DHX30: variants seen among roughly 807,000 people sequenced by gnomAD.
The protein encoded by DHX30 is DExH-box helicase 30.
DHX30 carries 4 observed loss-of-function variants against 116.9 expected under a neutral mutation model. The observed-to-expected ratio is 0.03, with a 90% CI of 0.02 to 0.08. The LOEUF (loss-of-function observed/expected upper bound fraction) is 0.08. DHX30 is among the 10% of genes least tolerant of loss of function. The pLI, the probability that DHX30 is intolerant of heterozygous loss-of-function variation, is 1.00. For synonymous variants in DHX30, 697 were observed against 651.7 expected (o/e 1.07, Z -1.06); for missense variants, 871 against 1,595.1 (o/e 0.55, Z 7.73).
intron 6 of DHX30, among the ~76,000 whole-genome samples, chr3:47,836,494 TC>T (rs1559710079): frequency 6.6e-6 from 1 of 151,876 alleles, no homozygotes. Context: ...CTTTTTCTCT[TC>T]CCCATCTATG....
chr3:47,837,654 A>G (rs1306903290), intron 6 of DHX30, among the ~76,000 whole-genome samples: 1 of 152,166 alleles, frequency 6.6e-6, no homozygotes, highest in East Asian at 1.9e-4. Context: ...CCAGCTACAC[A>G]GGAAGCTGAG....
At chr3:47,819,317 A>AGT (rs2036196532) in intron 4 of DHX30, 1 of 1,362,392 alleles carries the variant, frequency 7.3e-7, no homozygotes, top group Non-Finnish European at 9.8e-7. Flanking sequence ...GAAGACGGTT[A>AGT]GTCGGGGTTA....
intron 2 of DHX30, among the ~76,000 whole-genome samples, chr3:47,809,133 G>C (rs2035668142): frequency 6.9e-6 from 1 of 145,978 alleles, no homozygotes; most frequent in South Asian, 2.2e-4. Flanking sequence ...CACTTAAAAT[G>C]TTTTAGATTT....
At chr3:47,833,123 A>G (rs2036938833) in intron 6 of DHX30, among the ~76,000 whole-genome samples, 1 of 152,034 alleles carries the variant, frequency 6.6e-6, no homozygotes, top group Non-Finnish European at 1.5e-5. Flanking sequence ...TGTGTACAGT[A>G]TGGTGTTTCA....
At chr3:47,823,233 C>A (rs2106997810) in intron 4 of DHX30, among the ~76,000 whole-genome samples, 1 of 152,276 alleles carries the variant, frequency 6.6e-6, no homozygotes, top group African/African-American at 2.4e-5. Flanking sequence ...CCAACCACGT[C>A]CCTCCCATGA....
intron 2 of DHX30, among the ~76,000 whole-genome samples, chr3:47,809,695 G>A (rs908548152): frequency 2.6e-5 from 4 of 151,938 alleles, no homozygotes; most frequent in Non-Finnish European, 5.9e-5. Context: ...GAAAGATTCC[G>A]CCCCAGGTCA....
chr3:47,843,552 G>C (rs569658191), intron 9 of DHX30, among the ~76,000 whole-genome samples: 45 of 152,326 alleles, frequency 3.0e-4, no homozygotes, highest in Admixed American at 2.7e-3. Flanking sequence ...AAAGCCGGGA[G>C]GAGCCGGGCC....
rs1424577680 is a variant in DHX30 at position 47,847,417 on chromosome 3, A to G, written c.2006-15A>G. ...TGCAGCAACAGCTGGCTCATGCCCCAGGGCTCCTTTACAGGTGGGATCCTG... is the reference window on the plus strand; with the variant it reads ...TGCAGCAACAGCTGGCTCATGCCCCGGGGCTCCTTTACAGGTGGGATCCTG... On this transcript the variant is annotated splice_polypyrimidine_tract_variant and intron_variant, in intron 12 of 21. Transcript: ENST00000445061. The surrounding 1 kb of genome is among the most constrained non-coding windows in gnomAD (Gnocchi z 5.5). 1 of 1,613,782 alleles carries G rather than the reference A, an allele frequency of 6.2e-7. No individual in the cohort carries two copies. The highest frequency in any genetic ancestry group is 8.5e-7 in the Non-Finnish European group (1 of 1,179,800).
chr3:47,812,024 A>G (rs1041705831), intron 3 of DHX30, among the ~76,000 whole-genome samples: 19 of 139,216 alleles, frequency 1.4e-4, no homozygotes, highest in African/African-American at 4.0e-4. Context: ...AGATTACACC[A>G]CTGCACTCCA....
intron 6 of DHX30, among the ~76,000 whole-genome samples, chr3:47,836,693 AT>A (rs1336798235): frequency 6.6e-6 from 1 of 151,688 alleles, no homozygotes; most frequent in Non-Finnish European, 1.5e-5. Context: ...TAAGTTTTGT[AT>A]TTTTAGTAGA....
At chr3:47,831,328 C>T (rs1304325498) in intron 6 of DHX30, among the ~76,000 whole-genome samples, 1 of 152,036 alleles carries the variant, frequency 6.6e-6, no homozygotes, top group Non-Finnish European at 1.5e-5. Context: ...TCAGTCATTA[C>T]TGTGGGGAGG....
At chr3:47,815,723 C>CAAAAAAAAAAAAAAAAAAAAAAAAAAA (rs11349970) in intron 3 of DHX30, among the ~76,000 whole-genome samples, 1 of 20,756 alleles carries the variant, frequency 4.8e-5, no homozygotes, top group Non-Finnish European at 8.1e-5. Context: ...TAAAAAAGAG[C>CAAAAAAAAAAAAAAAAAAAAAAAAAAA]AAAAAAAAAA....
intron 2 of DHX30, among the ~76,000 whole-genome samples, chr3:47,809,141 T>C (rs2035668784): frequency 6.6e-6 from 1 of 151,928 alleles, no homozygotes; most frequent in South Asian, 2.1e-4. Flanking sequence ...ATGTTTTAGA[T>C]TTTATAATAT....
intron 6 of DHX30, 148 bp from the exon 7 acceptor site, chr3:47,840,729 G>T (rs1005137114): frequency 2.6e-5 from 23 of 871,052 alleles, no homozygotes; most frequent in Non-Finnish European, 3.7e-5. Flanking sequence ...AGAGTTCCAT[G>T]CCCAGTTCTG....
intron 2 of DHX30, among the ~76,000 whole-genome samples, 182 bp from the exon 3 acceptor site, chr3:47,810,475 T>G (rs2106941301): frequency 6.6e-6 from 1 of 152,304 alleles, no homozygotes; most frequent in Admixed American, 6.5e-5. Context: ...GCAAAGACAA[T>G]TACTCTAGAG....
chr3:47,842,943 G>A (rs143006228), intron 8 of DHX30, among the ~76,000 whole-genome samples, 163 bp from the exon 9 acceptor site: 178 of 152,348 alleles, frequency 1.2e-3, no homozygotes, highest in African/African-American at 4.1e-3. Flanking sequence ...GAGCCCATGG[G>A]CCTGCTCCTG....
chr3:47,827,511 A>T, intron 5 of DHX30, 34 bp downstream of exon 5: 1 of 1,597,962 alleles, frequency 6.3e-7, no homozygotes, highest in Non-Finnish European at 8.5e-7. Context: ...AAACATTGGT[A>T]TGACTCAGAA....
chr3:47,803,321 G>A (rs980145728), intron 1 of DHX30, 109 bp downstream of exon 1: 1 of 384,182 alleles, frequency 2.6e-6, no homozygotes, highest in Non-Finnish European at 4.6e-6. Context: ...GCCTGGCGGA[G>A]AGTGGGGCGG....
At chr3:47,833,112 ATG>A (rs2036938288) in intron 6 of DHX30, among the ~76,000 whole-genome samples, 1 of 151,862 alleles carries the variant, frequency 6.6e-6, no homozygotes, top group Non-Finnish European at 1.5e-5. Context: ...TCTTTATTTA[ATG>A]TGTACAGTAT....
Sources: allele counts gnomAD v4.1 joint callset (sites outside exome capture counted in the v4.1 genomes callset), GRCh38; gene constraint gnomAD v4.1.1; non-coding constraint Gnocchi (gnomAD v3.1); transcripts MANE v1.5; gene names NCBI Gene and HGNC (gene_info 2026-07-23, HGNC 2026-07-21).